Variants in NTSR1 observed in about 807,000 individuals in gnomAD.
NTSR1 encodes neurotensin receptor 1, also known as neurotensin receptor type 1.
A neutral mutation model predicts 31.2 loss-of-function variants in NTSR1; 29 were observed. The observed-to-expected ratio is 0.93, with a 90% CI of 0.69 to 1.27. NTSR1 has a LOEUF of 1.27. Ranked by LOEUF, NTSR1 falls within the 50% of genes most tolerant of loss-of-function variation. The pLI is 0.00. For synonymous variants in NTSR1, 282 were observed against 269.9 expected (o/e 1.04, Z -0.44); for missense variants, 697 against 595.4 (o/e 1.17, Z -1.78).
At chr20:62,716,106 G>A (rs1203178470) in intron 1 of NTSR1, among the ~76,000 whole-genome samples, 2 of 152,210 alleles carry the variant, frequency 1.3e-5, no homozygotes, top group Non-Finnish European at 2.9e-5. Context: ...GCGGCGTGAA[G>A]CACGTTCACA....
rs762288327 is a variant in NTSR1 at position 62,709,476 on chromosome 20, GGAA to G, written c.274_276del (p.Lys92del). On this transcript the variant is annotated inframe_deletion, in exon 1 of 4. Transcript: ENST00000370501. Reference sequence around the variant, plus strand: ...ACGGTGACGGCGTTCACGCTGGCGCGGAAGAAGTCGCTGCAGAGCCTGCAGAGC... The same window carrying G: ...ACGGTGACGGCGTTCACGCTGGCGCGGAAGTCGCTGCAGAGCCTGCAGAGC... The G allele has an allele frequency of 6.2e-7, 1 of 1,612,468 alleles. No homozygotes were observed. The highest frequency in any genetic ancestry group is 1.3e-5 in the African/African-American group (1 of 74,940).
chr20:62,759,886 A>G (rs1989583795), intron 3 of NTSR1, 132 bp from the exon 4 acceptor site: 2 of 839,238 alleles, frequency 2.4e-6, no homozygotes, highest in African/African-American at 3.4e-5. Context: ...TCCCCAAACA[A>G]CCATTCTCAA....
chr20:62,731,288 T>C (rs1447347271), intron 1 of NTSR1, among the ~76,000 whole-genome samples: 1 of 152,190 alleles, frequency 6.6e-6, no homozygotes, highest in Non-Finnish European at 1.5e-5. Flanking sequence ...TTCTCCATGT[T>C]GGTCAGGCTG....
At chr20:62,739,595 G>A (rs1262014250) in intron 1 of NTSR1, among the ~76,000 whole-genome samples, 1 of 152,252 alleles carries the variant, frequency 6.6e-6, no homozygotes, top group East Asian at 1.9e-4. Context: ...GGTGGGTGAG[G>A]ACACTTGGCT....
intron 1 of NTSR1, among the ~76,000 whole-genome samples, chr20:62,725,205 G>A (rs547411457): frequency 8.4e-4 from 128 of 152,310 alleles, no homozygotes; most frequent in African/African-American, 2.8e-3. Flanking sequence ...AACAGGAAGG[G>A]GCTGGAAGGG....
Position 62,743,109 on chromosome 20 carries a change from G to T in NTSR1, c.715-11576G>T, listed in dbSNP as rs1361493221. On this transcript the variant is annotated intron_variant, in intron 1 of 3. Transcript: ENST00000370501. This position sits in a 1 kb window ranked among gnomAD's most constrained non-coding sequence, Gnocchi z 7.5. ...AATCCAGAGAGTCAGGCTGGGAGGG[G>T]AGCACGGAGCCGCCCCTGCTGGACA... is the stretch of plus-strand genomic sequence containing the variant. Among the ~76,000 whole-genome samples, 4 of 149,394 alleles carry T rather than the reference G, an allele frequency of 2.7e-5. No homozygotes were observed. Among genetic ancestry groups the T allele is most frequent in the Non-Finnish European group, 4.4e-5 (3 of 67,994 alleles).
chr20:62,722,698 G>A (rs1988843563), intron 1 of NTSR1, among the ~76,000 whole-genome samples: 2 of 152,196 alleles, frequency 1.3e-5, no homozygotes. Flanking sequence ...GGTGATGATG[G>A]GCTCACCTTG....
In NTSR1 at chr20:62,719,144, C is replaced by T. The variant is rs556230074; in HGVS notation, c.714+9223C>T. Among the ~76,000 whole-genome samples, 47 of 143,712 alleles carry T rather than the reference C, an allele frequency of 3.3e-4. No homozygotes were observed. In the East Asian group the frequency reaches 7.5e-3, roughly 23 times the overall value. The allele number at this position is 143,712 out of a possible 152,430, so 94.3% of individuals were successfully genotyped here. ...CTTTCAAAAAAAAAAAAAAGTTTTT[C>T]GTTTATTTAAGTTTTTGTTAGAGCT... On this transcript the variant is annotated intron_variant, in intron 1 of 3. Transcript: ENST00000370501.
At position 62,760,307 on chromosome 20, in the gene NTSR1, TG is replaced by T; in HGVS notation, c.*43del. On this transcript the variant is annotated 3_prime_UTR_variant, in exon 4 of 4. Transcript: ENST00000370501. ...AACGTGTCCAGGAGGAGCCTGGCCA[TG>T]GGTCCTTGCCCCCGACAGACAGAGC... is the stretch of plus-strand genomic sequence containing the variant. 6.4e-7 allele frequency: 1 copy of T among 1,565,256 alleles called. No homozygotes were observed. Among genetic ancestry groups the T allele is most frequent in the Non-Finnish European group, 8.7e-7 (1 of 1,155,138 alleles).
Position 62,711,718 on chromosome 20 carries a change from C to A in NTSR1, c.714+1797C>A, listed in dbSNP as rs1988619244. Among the ~76,000 whole-genome samples the A allele has an allele frequency of 6.6e-6, 1 of 152,190 alleles. No individual in the cohort carries two copies. The highest frequency in any genetic ancestry group is 6.5e-5 in the Admixed American group (1 of 15,286). ...GGCGTGAGGACAGCTCGGCTCCGCCCCCCGGAAAGTGTCCTCCCCGCGTGC... is the reference window on the plus strand; with the variant it reads ...GGCGTGAGGACAGCTCGGCTCCGCCACCCGGAAAGTGTCCTCCCCGCGTGC... On this transcript the variant is annotated intron_variant, in intron 1 of 3. Transcript: ENST00000370501. This position sits in a 1 kb window ranked among gnomAD's most constrained non-coding sequence, Gnocchi z 6.4.
In NTSR1 at chr20:62,761,317, G is replaced by A. The variant is rs1989618435; in HGVS notation, c.*1050G>A. On this transcript the variant is annotated 3_prime_UTR_variant, in exon 4 of 4. Coordinates refer to ENST00000370501, the MANE Select transcript of NTSR1 (RefSeq NM_002531.3). ...CAGGTCCCAGGAACTCAGGCTTCAG[G>A]TGAGAAGGAGCGGTGTGTCCAGGCA... 6.6e-6 allele frequency: 1 copy of A among 152,428 alleles called. No homozygotes were observed. Among genetic ancestry groups the A allele is most frequent in the East Asian group, 1.9e-4 (1 of 5,174 alleles). 9.4% of individuals were successfully genotyped at this position (152,428 alleles called of 1,614,324 possible). A position where few individuals can be genotyped will look rare whatever the true frequency, so the allele number is the denominator to read the frequency against.
rs1989119228 is a variant in NTSR1, at chr20:62,737,555, C to T, written c.715-17130C>T. 5.9e-5 allele frequency among the ~76,000 whole-genome samples: 9 copies of T among 152,280 alleles called. 2 individuals carry two copies. The South Asian group carries it at 1.9e-3, about 32-fold the overall frequency. On this transcript the variant is annotated intron_variant, in intron 1 of 3. Transcript: ENST00000370501. ...ATGGGATGCAGCATCCACGCCTGCA[C>T]TTAAACGAGCCCTCTGTGGCCTTGC...
intron 1 of NTSR1, among the ~76,000 whole-genome samples, chr20:62,750,806 C>T (rs775352513): frequency 1.3e-5 from 2 of 151,786 alleles, no homozygotes; most frequent in Non-Finnish European, 2.9e-5. Context: ...ACGGATGTTT[C>T]ATTAGCTCGA....
chr20:62,756,739 T>A (rs1989520520), intron 2 of NTSR1: 1 of 152,274 alleles, frequency 6.6e-6, no homozygotes, highest in Admixed American at 6.5e-5. Context: ...ATCCAAGGTG[T>A]GTCCTGGTCC....
chr20:62,709,065 G>A lies in NTSR1; in HGVS notation c.-143G>A, dbSNP rs1268736098. 1 of 628,594 alleles carries A rather than the reference G, an allele frequency of 1.6e-6. No individual in the cohort carries two copies. The highest frequency in any genetic ancestry group is 3.5e-5 in the East Asian group (1 of 28,700). The allele number at this position is 628,594 out of a possible 1,614,324, so 38.9% of individuals were successfully genotyped here. ...GGCGCGTCTGGGTCTGGCGCTTCCC[G>A]ACTGGACGGCGCGCCCGCTGGTCTT... On this transcript the variant is annotated 5_prime_UTR_variant, in exon 1 of 4. Coordinates refer to ENST00000370501, the MANE Select transcript of NTSR1 (RefSeq NM_002531.3).
intron 2 of NTSR1, among the ~76,000 whole-genome samples, chr20:62,757,378 G>C (rs1989529273): frequency 6.6e-6 from 1 of 152,104 alleles, no homozygotes; most frequent in African/African-American, 2.4e-5. Context: ...TAAAGGTAAG[G>C]GTTCGTTTCT....
At chr20:62,719,821 T>A (rs1161410231) in intron 1 of NTSR1, among the ~76,000 whole-genome samples, 1 of 152,222 alleles carries the variant, frequency 6.6e-6, no homozygotes, top group Non-Finnish European at 1.5e-5. Context: ...GTAAGTTTAT[T>A]TTCCTGGGTT....
intron 1 of NTSR1, among the ~76,000 whole-genome samples, chr20:62,750,851 A>G (rs1454364116): frequency 1.3e-5 from 2 of 152,022 alleles, no homozygotes; most frequent in Non-Finnish European, 2.9e-5. Flanking sequence ...TACATAGATG[A>G]CAACATCACA....
At chr20:62,716,110 G>C (rs955427306) in intron 1 of NTSR1, among the ~76,000 whole-genome samples, 3 of 152,184 alleles carry the variant, frequency 2.0e-5, no homozygotes, top group Non-Finnish European at 4.4e-5. Context: ...CGTGAAGCAC[G>C]TTCACATTGC....
Sources: allele counts gnomAD v4.1 joint callset (sites outside exome capture counted in the v4.1 genomes callset), GRCh38; gene constraint gnomAD v4.1.1; non-coding constraint Gnocchi (gnomAD v3.1); transcripts MANE v1.5; gene names NCBI Gene and HGNC (gene_info 2026-07-23, HGNC 2026-07-21).